The following MIOS variants were observed in gnomAD, a reference collection of about 807,000 sequenced individuals.
The protein encoded by MIOS is GATOR2 complex protein MIOS.
Under a neutral mutation model 96.9 loss-of-function variants are expected in MIOS, and 52 were observed. The observed-to-expected ratio is 0.54, with a 90% CI of 0.43 to 0.68. The LOEUF (loss-of-function observed/expected upper bound fraction) is 0.68. Among genes scored for constraint, MIOS ranks in the 30% least tolerant of loss-of-function variants. The pLI, the probability that MIOS is intolerant of heterozygous loss-of-function variation, is 0.00. For missense variants in MIOS, 1,005 were observed against 1,052.8 expected (o/e 0.95, Z 0.63); for synonymous variants, 397 against 359.5 (o/e 1.10, Z -1.18).
Position 7,573,807 on chromosome 7 carries a change from G to T in MIOS, c.1294+38G>T, listed in dbSNP as rs766257301. The T allele has an allele frequency of 7.2e-6, 11 of 1,523,340 alleles. No homozygotes were observed. The Admixed American group carries it at 2.4e-4, about 33-fold the overall frequency. The allele number at this position is 1,523,340 out of a possible 1,614,324, so 94.4% of individuals were successfully genotyped here. A position where few individuals can be genotyped will look rare whatever the true frequency, so the allele number is the denominator to read the frequency against. On this transcript the variant is annotated intron_variant, in intron 4 of 12. Transcript: ENST00000340080. This position sits in a 1 kb window ranked among gnomAD's most constrained non-coding sequence, Gnocchi z 5.0. ...TTGTGAATTTTGTGAGGTGAATCAGGTAGAAATGTTCTTGAAGTTTGCCAA... is the reference window on the plus strand; with the variant it reads ...TTGTGAATTTTGTGAGGTGAATCAGTTAGAAATGTTCTTGAAGTTTGCCAA...
Position 7,605,924 on chromosome 7 carries a change from C to A in MIOS, c.2402-18C>A, listed in dbSNP as rs927943372. 1.9e-6 allele frequency: 3 copies of A among 1,606,042 alleles called. No individual in the cohort carries two copies. The highest frequency in any genetic ancestry group is 2.2e-5 in the East Asian group (1 of 44,684). ...ATATTATGATATAGTTAATGAAGAT[C>A]ATTTTATTTTGTCATAGGAGGAACC... On this transcript the variant is annotated intron_variant, in intron 11 of 12. Transcript: ENST00000340080.
intron 3 of MIOS, among the ~76,000 whole-genome samples, chr7:7,569,483 T>C (rs1247861175): frequency 6.6e-6 from 1 of 152,206 alleles, no homozygotes; most frequent in African/African-American, 2.4e-5. Context: ...AGCGTAGAAG[T>C]GGAAGCATGA....
chr7:7,592,021 C>T (rs896749727), intron 9 of MIOS, among the ~76,000 whole-genome samples: 7 of 151,436 alleles, frequency 4.6e-5, no homozygotes, highest in African/African-American at 7.3e-5. Context: ...TGCTGTGTCA[C>T]GCAGGCTGGA....
chr7:7,596,704 C>T (rs1784213115), intron 11 of MIOS, among the ~76,000 whole-genome samples: 2 of 152,140 alleles, frequency 1.3e-5, no homozygotes, highest in Non-Finnish European at 2.9e-5. Flanking sequence ...GTGAGAAAAA[C>T]TTAAATATGA....
At chr7:7,575,302 GTTACA>G (rs1563017070) in intron 5 of MIOS, among the ~76,000 whole-genome samples, 1 of 152,024 alleles carries the variant, frequency 6.6e-6, no homozygotes, top group African/African-American at 2.4e-5. Flanking sequence ...TAATTAAACT[GTTACA>G]TTATAGTGTT....
intron 5 of MIOS, among the ~76,000 whole-genome samples, chr7:7,580,321 C>T (rs550925139): frequency 2.0e-5 from 3 of 152,158 alleles, no homozygotes; most frequent in Admixed American, 6.5e-5. Context: ...TTTGGGCTGA[C>T]TCCCCTCATG....
Position 7,585,720 on chromosome 7 carries a change from C to T in MIOS, c.1733C>T (p.Thr578Ile). The T allele has an allele frequency of 1.2e-6, 2 of 1,612,826 alleles. No individual in the cohort carries two copies. Among genetic ancestry groups the T allele is most frequent in the Non-Finnish European group, 1.7e-6 (2 of 1,179,372 alleles). Residue 578 changes from threonine to isoleucine, a missense_variant, in exon 7 of 13, where the codon ACA becomes ATA. Physicochemically the swap from Thr to Ile is moderately conservative, Grantham distance 89 (BLOSUM62 -1). Coordinates refer to ENST00000340080, the MANE Select transcript of MIOS (RefSeq NM_019005.4). The stretch of plus-strand genomic sequence containing the variant: ...TCCCTTTGGAGAGAAATGTGTAGCA[C>T]ACTGCGATTACAGCTAAATAACCCG... ...KNSLWREMCS[T>I]LRLQLNNPYL...
intron 11 of MIOS, among the ~76,000 whole-genome samples, chr7:7,601,766 CA>C (rs1784386279): frequency 1.3e-5 from 2 of 151,934 alleles, no homozygotes; most frequent in Admixed American, 1.3e-4. Context: ...AGAGACACAA[CA>C]AAAAAAGAGA....
intron 3 of MIOS, among the ~76,000 whole-genome samples, chr7:7,569,804 T>G (rs569045607): frequency 1.2e-3 from 180 of 152,300 alleles, no homozygotes; most frequent in Non-Finnish European, 2.0e-3. Context: ...GGTATTAACT[T>G]GGCCCAGAAG....
At chr7:7,576,399 T>C (rs1404817819) in intron 5 of MIOS, among the ~76,000 whole-genome samples, 1 of 152,160 alleles carries the variant, frequency 6.6e-6, no homozygotes, top group South Asian at 2.1e-4. Context: ...CTGGCAGTTA[T>C]AACATAGGGA....
At chr7:7,574,010 CTTA>C (rs1234199641) in intron 4 of MIOS, 85 bp from the exon 5 acceptor site, 44 of 1,083,902 alleles carry the variant, frequency 4.1e-5, no homozygotes, top group South Asian at 2.8e-4. Context: ...TACACTGATA[CTTA>C]TTATGAATTG....
intron 5 of MIOS, among the ~76,000 whole-genome samples, chr7:7,574,515 G>T (rs1014849372): frequency 2.6e-5 from 4 of 152,004 alleles, no homozygotes; most frequent in Admixed American, 2.0e-4. Context: ...ATTACTGATT[G>T]TTAGTTCAGG....
At chr7:7,584,310 G>A (rs890297796) in intron 6 of MIOS, among the ~76,000 whole-genome samples, 1 of 152,054 alleles carries the variant, frequency 6.6e-6, no homozygotes, top group Non-Finnish European at 1.5e-5. Context: ...AAAAAGAATT[G>A]ATATTTAAAG....
Position 7,573,246 on chromosome 7 carries a change from G to A in MIOS, c.771G>A (p.Glu257=). 6.2e-7 allele frequency: 1 copy of A among 1,614,086 alleles called. No homozygotes were observed. The highest frequency in any genetic ancestry group is 2.2e-5 in the East Asian group (1 of 44,888). The part of the protein sequence containing the change: ...QVAIWDLRKF[E]KPVLTLTEQP... ...CAATATGGGATCTTAGAAAATTTGA[G>A]AAGCCAGTTTTGACATTGACTGAGC... Residue 257 remains glutamate (E), a synonymous_variant, in exon 4 of 13, where the codon GAG becomes GAA. Transcript: ENST00000340080. The surrounding 1 kb of genome is among the most constrained non-coding windows in gnomAD (Gnocchi z 5.0).
rs929929241 is a variant in MIOS at position 7,605,996 on chromosome 7, A to T, written c.2456A>T (p.Gln819Leu). The T allele has an allele frequency of 6.2e-7, 1 of 1,613,992 alleles. No individual in the cohort carries two copies. Among genetic ancestry groups the T allele is most frequent in the African/African-American group, 1.3e-5 (1 of 75,044 alleles). The change falls in exon 12 of 13, where the codon CAA becomes CTA. Residue 819 changes from glutamine to leucine, a missense_variant. By Grantham distance (113) the Gln-to-Leu change is moderately radical. This residue lies in a region of MIOS where 865 missense variants were observed against 887.9 expected (regional missense o/e 0.97). Transcript: ENST00000340080. ...TTGAGCAAGGACAAAAAATTAGCCC[A>T]ATTTAACAACTGGTTTACATGGTGT... ...VDLSKDKKLA[Q>L]FNNWFTWCHN...
intron 9 of MIOS, 113 bp from the exon 10 acceptor site, chr7:7,594,862 CAAAAA>C: frequency 3.5e-5 from 13 of 375,170 alleles, no homozygotes; most frequent in East Asian, 1.5e-4. Context: ...CAGCTTTTGG[CAAAAA>C]AAAAAAAAAA....
At chr7:7,584,388 A>AT (rs1783820580) in intron 6 of MIOS, among the ~76,000 whole-genome samples, 1 of 152,156 alleles carries the variant, frequency 6.6e-6, no homozygotes, top group Admixed American at 6.5e-5. Context: ...TACCTGGGAA[A>AT]TTTGGTGGTC....
chr7:7,595,196 T>C (rs1275007974), intron 10 of MIOS, 64 bp downstream of exon 10: 1 of 1,522,640 alleles, frequency 6.6e-7, no homozygotes, highest in African/African-American at 1.4e-5. Flanking sequence ...AATAAGTTAC[T>C]ATTAGCTCAT....
intron 7 of MIOS, 152 bp downstream of exon 7, chr7:7,585,957 C>A: frequency 1.6e-6 from 1 of 621,636 alleles, no homozygotes; most frequent in Non-Finnish European, 2.5e-6. Flanking sequence ...TTTTTTTGAG[C>A]AGCTCTTCTT....
Sources: gnomAD v4.1 joint callset for allele counts (sites outside exome capture counted in the v4.1 genomes callset) on GRCh38, gnomAD v4.1.1 for gene constraint, gnomAD v4.1.1 regional missense constraint, Gnocchi (gnomAD v3.1) non-coding constraint, MANE v1.5 for transcripts, NCBI Gene and HGNC (gene_info 2026-07-23, HGNC 2026-07-21) for gene names.